The following LRGUK variants were observed in gnomAD, a reference collection of about 807,000 sequenced individuals.
The protein encoded by LRGUK is leucine rich repeats and guanylate kinase domain containing.
A neutral mutation model predicts 76.0 loss-of-function variants in LRGUK; 65 were observed. That is an observed-to-expected ratio of 0.85 (90% CI 0.70 to 1.05). The LOEUF is 1.05. Among genes scored for constraint, LRGUK ranks in the 50% least tolerant of loss-of-function variants. The pLI is 0.00. For synonymous variants in LRGUK, 268 were observed against 265.6 expected, an observed-to-expected ratio of 1.01 and a Z score of -0.09; for missense variants, 758 against 732.8, an observed-to-expected ratio of 1.03 and a Z score of -0.40.
At chr7:134,264,166 T>A in exon 20 of LRGUK, 1 of 459,230 alleles carries the variant, frequency 2.2e-6, no homozygotes, top group Non-Finnish European at 3.6e-6. Context: ...GTTTTTTAAT[T>A]AAAAAATTGT....
At chr7:134,209,728 G>C (rs569003110) in exon 16 of LRGUK, 1 of 399,558 alleles carries the variant, frequency 2.5e-6, no homozygotes, top group Non-Finnish European at 4.4e-6. Context: ...TCAGCCCTCC[G>C]CACTCAAAAC....
At chr7:134,226,967 TG>T (rs1371929860) in intron 16 of LRGUK, among the ~76,000 whole-genome samples, 3 of 152,140 alleles carry the variant, frequency 2.0e-5, no homozygotes, top group Admixed American at 1.3e-4. Flanking sequence ...AGTGGTTAAT[TG>T]GACTTCTGCT....
exon 16 of LRGUK, chr7:134,221,822 G>A (rs137919767): frequency 6.2e-6 from 10 of 1,600,132 alleles, no homozygotes; most frequent in African/African-American, 5.4e-5. Context: ...ATCCTACAAA[G>A]TATATTTCTT....
chr7:134,162,736 A>G (rs1798798162), intron 6 of LRGUK, among the ~76,000 whole-genome samples: 1 of 150,326 alleles, frequency 6.7e-6, no homozygotes, highest in South Asian at 2.1e-4. Flanking sequence ...CTGAGGCAGG[A>G]GAATCACTTG....
rs1192061253 is a variant in LRGUK, at chr7:134,182,535, G to GCT, written c.1215-1195_1215-1194dup. On this transcript the variant is annotated intron_variant, in intron 10 of 15. Coordinates refer to ENST00000645682, the Ensembl canonical transcript of LRGUK. ...TTATATGTGTTTCCCATAGGCTTTT[G>GCT]CTCTCAAGTTTTTCTGTGGGAATTC... Among the ~76,000 whole-genome samples the GCT allele has an allele frequency of 3.3e-5, 5 of 152,230 alleles. No individual in the cohort carries two copies. The East Asian group carries it at 9.7e-4, about 29-fold the overall frequency.
At chr7:134,155,384 G>A (rs1484302881) in intron 5 of LRGUK, among the ~76,000 whole-genome samples, 1 of 152,210 alleles carries the variant, frequency 6.6e-6, no homozygotes, top group East Asian at 1.9e-4. Flanking sequence ...ACATCTGTTT[G>A]TAGGGCTATT....
intron 16 of LRGUK, among the ~76,000 whole-genome samples, chr7:134,243,010 A>G (rs746068198): frequency 3.3e-5 from 5 of 152,234 alleles, no homozygotes; most frequent in African/African-American, 9.7e-5. Context: ...ACAGCCCTTC[A>G]TGCTAAAAAC....
chr7:134,176,798 A>G (rs553401390), intron 8 of LRGUK, among the ~76,000 whole-genome samples, 179 bp from the exon 9 acceptor site: 1 of 152,352 alleles, frequency 6.6e-6, no homozygotes, highest in African/African-American at 2.4e-5. Flanking sequence ...TACAAGGCAC[A>G]GTCTGCATTG....
At chr7:134,222,850 G>A (rs556704661) in intron 16 of LRGUK, among the ~76,000 whole-genome samples, 4 of 151,978 alleles carry the variant, frequency 2.6e-5, no homozygotes, top group Non-Finnish European at 4.4e-5. Context: ...TGCTTGCCTC[G>A]GCCTCCCAAA....
At chr7:134,127,384 G>A (rs753009875) in exon 1 of LRGUK, 22 of 1,608,366 alleles carry the variant, frequency 1.4e-5, no homozygotes, top group Non-Finnish European at 1.6e-5. Context: ...ACCTCCGAGA[G>A]GGCTCTCCTG....
chr7:134,127,704 G>C, intron 1 of LRGUK, 40 bp downstream of exon 1: 1 of 1,561,548 alleles, frequency 6.4e-7, no homozygotes, highest in Non-Finnish European at 8.7e-7. Context: ...TGGCTCCCTC[G>C]TCCAGCCCTG....
chr7:134,139,878 T>C (rs746211039), intron 3 of LRGUK, among the ~76,000 whole-genome samples: 13 of 152,350 alleles, frequency 8.5e-5, no homozygotes, highest in South Asian at 8.3e-4. Context: ...AGTCTTTTTT[T>C]TCTTTAACAG....
chr7:134,149,675 TTTG>T (rs982567336), intron 5 of LRGUK, among the ~76,000 whole-genome samples: 123 of 152,278 alleles, frequency 8.1e-4, no homozygotes, highest in African/African-American at 2.9e-3. Context: ...TATAACATGT[TTTG>T]TTGACAAACT....
chr7:134,230,805 G>T (rs995204317), intron 16 of LRGUK, among the ~76,000 whole-genome samples: 4 of 152,094 alleles, frequency 2.6e-5, no homozygotes, highest in Admixed American at 6.6e-5. Context: ...AGTATTTAGG[G>T]AAGCACATTT....
intron 12 of LRGUK, among the ~76,000 whole-genome samples, chr7:134,192,133 A>G (rs1800281483): frequency 6.6e-6 from 1 of 152,158 alleles, no homozygotes; most frequent in Admixed American, 6.5e-5. Context: ...TAAATTAAGT[A>G]TGTCTGGGGA....
intron 12 of LRGUK, among the ~76,000 whole-genome samples, chr7:134,195,868 A>T (rs1800459119): frequency 6.6e-6 from 1 of 152,176 alleles, no homozygotes; most frequent in Non-Finnish European, 1.5e-5. Context: ...TCTTTTGATT[A>T]TGGGGGATGT....
At chr7:134,270,246 T>C in the LRGUK span, among the ~76,000 whole-genome samples, 3 of 152,178 alleles carry the variant, frequency 2.0e-5, no homozygotes, top group Admixed American at 6.5e-5. Flanking sequence ...GGTATCAAGA[T>C]TGATACAAAA....
chr7:134,180,789 G>A (rs759220033), intron 10 of LRGUK, among the ~76,000 whole-genome samples: 7 of 152,058 alleles, frequency 4.6e-5, no homozygotes, highest in Admixed American at 1.3e-4. Flanking sequence ...ACAGTTGAGT[G>A]GCATCAAGTA....
chr7:134,185,562 GGT>G (rs1299185249), intron 11 of LRGUK, among the ~76,000 whole-genome samples: 1 of 151,278 alleles, frequency 6.6e-6, no homozygotes, highest in African/African-American at 2.4e-5. Context: ...TAGAGGTTTT[GGT>G]GAATCAAATT....
Sources: gnomAD v4.1 joint callset for allele counts (sites outside exome capture counted in the v4.1 genomes callset) on GRCh38, gnomAD v4.1.1 for gene constraint, MANE v1.5 for transcripts, NCBI Gene and HGNC (gene_info 2026-07-23, HGNC 2026-07-21) for gene names.